Variants in GABRA3 observed in about 807,000 individuals in gnomAD.
GABRA3 encodes the protein gamma-aminobutyric acid type A receptor subunit alpha3.
GABRA3 carries 10 observed loss-of-function variants against 30.1 expected under a neutral mutation model. That is an observed-to-expected ratio of 0.33 (90% CI 0.20 to 0.56). GABRA3 has a LOEUF of 0.56. Among genes scored for constraint, GABRA3 ranks in the 20% least tolerant of loss-of-function variants. GABRA3 has a pLI of 0.89. For missense variants in GABRA3, 233 were observed against 392.0 expected, an observed-to-expected ratio of 0.59 and a Z score of 3.42; for synonymous variants, 151 against 146.8, an observed-to-expected ratio of 1.03 and a Z score of -0.21.
intron 1 of GABRA3, among the ~76,000 whole-genome samples, chrX:152,398,182 T>C (rs1325129121): frequency 1.8e-5 from 2 of 110,984 alleles, no homozygotes; most frequent in Admixed American, 9.6e-5. Flanking sequence ...CCTGTTTAAA[T>C]GGGTTAGGCT....
At chrX:152,340,417 C>T (rs1052534083) in intron 3 of GABRA3, among the ~76,000 whole-genome samples, 2 of 111,945 alleles carry the variant, frequency 1.8e-5, no homozygotes, top group Non-Finnish European at 3.8e-5. Flanking sequence ...TTACATTTAC[C>T]CACAGTTTCC....
chrX:152,196,191 A>G (rs1318722289), intron 8 of GABRA3, among the ~76,000 whole-genome samples: 1 of 104,335 alleles, frequency 9.6e-6, no homozygotes, highest in African/African-American at 3.5e-5. Flanking sequence ...GTTGGAGACC[A>G]GCCTGGCCAA....
At chrX:152,199,520 G>C (rs1937450472) in intron 7 of GABRA3, among the ~76,000 whole-genome samples, 1 of 110,772 alleles carries the variant, frequency 9.0e-6, no homozygotes, top group Non-Finnish European at 1.9e-5. Flanking sequence ...TAACCTTCTT[G>C]ATGCTTTGAT....
intron 1 of GABRA3, among the ~76,000 whole-genome samples, chrX:152,367,462 C>T (rs183460986): frequency 1.9e-4 from 21 of 111,788 alleles, no homozygotes; most frequent in Admixed American, 3.8e-4. Flanking sequence ...CCAATTCACC[C>T]TACTAAAGAG....
At chrX:152,375,821 T>C (rs1325267419) in intron 1 of GABRA3, among the ~76,000 whole-genome samples, 1 of 112,303 alleles carries the variant, frequency 8.9e-6, no homozygotes, top group Non-Finnish European at 1.9e-5. Context: ...TAAACCTTTG[T>C]CATTCTTCTC....
chrX:152,263,951 A>C (rs1273410652), intron 4 of GABRA3, among the ~76,000 whole-genome samples: 5 of 112,027 alleles, frequency 4.5e-5, no homozygotes, highest in African/African-American at 1.6e-4. Context: ...GAAGTAAAAA[A>C]ACTTTTACCC....
intron 5 of GABRA3, chrX:152,250,971 T>C: frequency 4.7e-6 from 1 of 211,864 alleles, no homozygotes; most frequent in Non-Finnish European, 9.5e-6. Context: ...GCTACATTAT[T>C]ATCAGACTAG....
intron 3 of GABRA3, among the ~76,000 whole-genome samples, chrX:152,341,545 CTTTTTTT>C (rs1201836478): frequency 6.9e-5 from 6 of 86,762 alleles, no homozygotes; most frequent in Non-Finnish European, 1.1e-4. Flanking sequence ...CATCTATTGA[CTTTTTTT>C]TTTTTTTTTT....
At position 152,266,385 on chromosome X, in the gene GABRA3, T is replaced by C. The variant is rs753054884; in HGVS notation, c.331-10387A>G. ...TATAGAATGAAAGACAAAAACCATA[T>C]GATCATTTCAATTGATGCTGAAAAA... On this transcript the variant is annotated intron_variant, in intron 4 of 9. Coordinates refer to ENST00000370314, the MANE Select transcript of GABRA3 (RefSeq NM_000808.4). Among the ~76,000 whole-genome samples the C allele has an allele frequency of 2.7e-5, 3 of 111,902 alleles. No homozygotes were observed. The South Asian group carries it at 1.1e-3, about 42-fold the overall frequency.
At chrX:152,212,404 A>G (rs1395167293) in intron 6 of GABRA3, among the ~76,000 whole-genome samples, 1 of 107,707 alleles carries the variant, frequency 9.3e-6, no homozygotes, top group Non-Finnish European at 1.9e-5. Context: ...TATAGTCCCC[A>G]GAAGAAACTT....
intron 1 of GABRA3, among the ~76,000 whole-genome samples, chrX:152,375,394 A>G (rs1210603975): frequency 8.9e-6 from 1 of 112,083 alleles, no homozygotes; most frequent in Non-Finnish European, 1.9e-5. Context: ...AATTGCTCCT[A>G]TATCACAAAT....
At chrX:152,303,201 A>G (rs994792440) in intron 3 of GABRA3, among the ~76,000 whole-genome samples, 2 of 112,479 alleles carry the variant, frequency 1.8e-5, no homozygotes, top group African/African-American at 3.2e-5. Context: ...CCAACAGTGT[A>G]TAAGTGTTGC....
chrX:152,301,691 G>T (rs749162503), intron 3 of GABRA3, among the ~76,000 whole-genome samples: 6 of 110,385 alleles, frequency 5.4e-5, no homozygotes, highest in Admixed American at 4.9e-4. Flanking sequence ...CTGCCACAAT[G>T]CCTGGCTAAT....
intron 1 of GABRA3, among the ~76,000 whole-genome samples, chrX:152,445,381 C>A (rs1379067682): frequency 9.0e-6 from 1 of 111,308 alleles, no homozygotes; most frequent in Non-Finnish European, 1.9e-5. Context: ...TTCTCAGTGA[C>A]TTTAGTTTAT....
chrX:152,201,997 C>T (rs1556763833), intron 7 of GABRA3, among the ~76,000 whole-genome samples: 1 of 112,427 alleles, frequency 8.9e-6, no homozygotes, highest in African/African-American at 3.2e-5. Flanking sequence ...TACATCCAAA[C>T]TATCCTTTTA....
chrX:152,186,138 T>G (rs1410356612), intron 9 of GABRA3, among the ~76,000 whole-genome samples: 1 of 111,969 alleles, frequency 8.9e-6, no homozygotes, highest in African/African-American at 3.2e-5. Context: ...GACAAAGTCC[T>G]GTAGTGTAAC....
At chrX:152,256,940 G>A (rs768790480) in intron 4 of GABRA3, among the ~76,000 whole-genome samples, 22 of 111,711 alleles carry the variant, frequency 2.0e-4, no homozygotes, top group African/African-American at 6.5e-4. Context: ...AGGTGGCAGA[G>A]AATCTGGACC....
At chrX:152,352,996 T>C (rs200340880) in intron 2 of GABRA3, among the ~76,000 whole-genome samples, 4 of 110,934 alleles carry the variant, frequency 3.6e-5, no homozygotes, top group Admixed American at 1.9e-4. Context: ...ATGCCAGTTA[T>C]ATACTAGGGA....
At chrX:152,240,824 G>C (rs1377291757) in intron 5 of GABRA3, among the ~76,000 whole-genome samples, 2 of 95,339 alleles carry the variant, frequency 2.1e-5, no homozygotes, top group Non-Finnish European at 4.0e-5. Flanking sequence ...CGTAGTTCTC[G>C]AGCCTTGGTT....
Sources: gnomAD v4.1 joint callset for allele counts (sites outside exome capture counted in the v4.1 genomes callset) on GRCh38, gnomAD v4.1.1 for gene constraint, MANE v1.5 for transcripts, NCBI Gene and HGNC (gene_info 2026-07-23, HGNC 2026-07-21) for gene names.